EIF4A2: variants seen among roughly 807,000 people sequenced by gnomAD.
EIF4A2 encodes the protein eukaryotic translation initiation factor 4A2, also known as eukaryotic initiation factor 4A-II.
Under a neutral mutation model 50.6 loss-of-function variants are expected in EIF4A2, and 9 were observed. That is an observed-to-expected ratio of 0.18 (90% CI 0.11 to 0.31). EIF4A2 has a LOEUF of 0.31. Among genes scored for constraint, EIF4A2 ranks in the 10% least tolerant of loss-of-function variants. The pLI is 1.00. For synonymous variants in EIF4A2, 215 were observed against 164.4 expected (o/e 1.31, Z -2.35); for missense variants, 182 against 501.8 (o/e 0.36, Z 6.09).
At chr3:186,787,653 C>T (rs778284644) in intron 9 of EIF4A2, 69 bp downstream of exon 9, 20 of 1,603,030 alleles carry the variant, frequency 1.2e-5, no homozygotes, top group Non-Finnish European at 1.6e-5. Context: ...TTTTAAGTAA[C>T]CTTTGCCAAC....
At chr3:186,785,815 T>C in intron 4 of EIF4A2, 68 bp from the exon 5 acceptor site, 1 of 1,543,630 alleles carries the variant, frequency 6.5e-7, no homozygotes. Context: ...TATATTTGCC[T>C]TTATGCTTTA....
rs769925570 is a variant in EIF4A2, at chr3:186,789,203, T to C, written c.1158T>C (p.Arg386=). The part of the protein sequence containing the change: ...FVTEEDKRIL[R]DIETFYNTTV... ...CTGAAGAAGACAAGAGGATTCTTCG[T>C]GACATTGAGACTTTCTACAATACTA... The change falls in exon 11 of 11, where the codon CGT becomes CGC. Residue 386 remains arginine, a synonymous_variant. Coordinates refer to ENST00000323963, the MANE Select transcript of EIF4A2 (RefSeq NM_001967.4). 2 of 1,613,656 alleles carry C rather than the reference T, an allele frequency of 1.2e-6. No individual in the cohort carries two copies. The highest frequency in any genetic ancestry group is 8.5e-7 in the Non-Finnish European group (1 of 1,179,830).
At chr3:186,787,423 C>G in intron 8 of EIF4A2, 72 bp from the exon 9 acceptor site, 1 of 1,609,260 alleles carries the variant, frequency 6.2e-7, no homozygotes, top group East Asian at 2.2e-5. Flanking sequence ...GACGCTTGGT[C>G]TCATACATGT....
Position 186,789,857 on chromosome 3 carries a change from A to C in EIF4A2, c.*588A>C. 1 of 742,344 alleles carries C rather than the reference A, an allele frequency of 1.3e-6. No individual in the cohort carries two copies. Among genetic ancestry groups the C allele is most frequent in the Admixed American group, 2.6e-5 (1 of 38,562 alleles). The allele number at this position is 742,344 out of a possible 1,614,324, so 46.0% of individuals were successfully genotyped here. ...AAATTGCCATATTGCACATGTCTTA[A>C]TGAAGTTTGAATGTTAAATAAATTG... On this transcript the variant is annotated 3_prime_UTR_variant, in exon 11 of 11. Coordinates refer to ENST00000323963, the MANE Select transcript of EIF4A2 (RefSeq NM_001967.4).
chr3:186,785,705 CATTA>C, intron 4 of EIF4A2, 174 bp from the exon 5 acceptor site: 3 of 701,750 alleles, frequency 4.3e-6, no homozygotes, highest in Non-Finnish European at 6.7e-6. Context: ...ATAAGAAAGA[CATTA>C]AGGGAATTTT....
In EIF4A2 at chr3:186,785,924, C is replaced by T. The variant is rs1419265135; in HGVS notation, c.390C>T (p.Ala130=). The change falls in exon 5 of 11, where the codon GCC becomes GCT. Residue 130 remains alanine, a synonymous_variant. Transcript: ENST00000323963. ...TGGCACTTGGAGACTATATGGGAGC[C>T]ACTTGTCATGCCTGCATTGGTGGAA... is the stretch of plus-strand genomic sequence containing the variant. ...VILALGDYMG[A]TCHACIGGTN... 6.2e-7 allele frequency: 1 copy of T among 1,609,388 alleles called. No individual in the cohort carries two copies. Among genetic ancestry groups the T allele is most frequent in the Non-Finnish European group, 8.5e-7 (1 of 1,176,064 alleles).
chr3:186,783,644 G>A lies in EIF4A2; in HGVS notation c.29+5G>A. ...TGGCTCCGCGGATTATAACAGGTAT[G>A]CAGTCTGTTGGCGGTCGCGGTCTGT... is the stretch of plus-strand genomic sequence containing the variant. On this transcript the variant is annotated splice_donor_5th_base_variant and intron_variant, in intron 1 of 10. Transcript: ENST00000323963. 1 of 1,614,180 alleles carries A rather than the reference G, an allele frequency of 6.2e-7. No homozygotes were observed. Among genetic ancestry groups the A allele is most frequent in the Non-Finnish European group, 8.5e-7 (1 of 1,180,040 alleles).
chr3:186,784,818 T>A, intron 3 of EIF4A2, 122 bp downstream of exon 3: 3 of 1,600,160 alleles, frequency 1.9e-6, no homozygotes, highest in Non-Finnish European at 2.6e-6. Flanking sequence ...GGCAATCATC[T>A]TTCGGGACTG....
chr3:186,785,163 TGTG>T (rs1272889156), intron 4 of EIF4A2, 62 bp downstream of exon 4: 3 of 1,594,256 alleles, frequency 1.9e-6, no homozygotes, highest in Non-Finnish European at 2.6e-6. Context: ...GTTTCACAAC[TGTG>T]AAGAATTTAA....
intron 8 of EIF4A2, 53 bp downstream of exon 8, chr3:186,787,317 C>T (rs1486668458): frequency 1.2e-6 from 2 of 1,613,612 alleles, no homozygotes; most frequent in Non-Finnish European, 8.5e-7. Flanking sequence ...ATTCAGACTA[C>T]AATATAGCTG....
intron 4 of EIF4A2, chr3:186,785,302 A>G (rs1721626638): frequency 2.9e-6 from 2 of 695,592 alleles, no homozygotes; most frequent in East Asian, 2.8e-5. Context: ...ATACTAATAG[A>G]TTGAGAATCC....
At position 186,786,201 on chromosome 3, in the gene EIF4A2, A is replaced by G. The variant is rs1721694633; in HGVS notation, c.555A>G (p.Ala185=). The G allele has an allele frequency of 6.2e-7, 1 of 1,614,018 alleles. No individual in the cohort carries two copies. The highest frequency in any genetic ancestry group is 8.5e-7 in the Non-Finnish European group (1 of 1,179,964). The part of the protein sequence containing the change: ...KWIKMFVLDE[A]DEMLSRGFKD... ...TCAAAATGTTTGTTTTGGATGAAGC[A>G]GATGAAATGTTGAGCCGTGGTTTTA... Residue 185 remains alanine (A), a synonymous_variant, in exon 6 of 11, where the codon GCA becomes GCG. Transcript: ENST00000323963.
At chr3:186,784,822 G>C in intron 3 of EIF4A2, 126 bp downstream of exon 3, 2 of 1,597,776 alleles carry the variant, frequency 1.3e-6, no homozygotes, top group Non-Finnish European at 1.7e-6. Context: ...ATCATCTTTC[G>C]GGACTGACCT....
intron 4 of EIF4A2, 94 bp downstream of exon 4, chr3:186,785,195 C>A: frequency 6.5e-7 from 1 of 1,527,056 alleles, no homozygotes; most frequent in South Asian, 1.3e-5. Flanking sequence ...ATAAATTGGT[C>A]CTACCAGATC....
chr3:186,784,989 C>A lies in EIF4A2; in HGVS notation c.236C>A (p.Ser79Ter). ...TATGATGTGATTGCTCAAGCTCAGT[C>A]AGGTACTGGCAAGACAGCCACATTT... ...KGYDVIAQAQSGTGKTATFAI... is the reference protein window; with the variant it reads ...KGYDVIAQAQ Residue 79 changes from serine (S) to a stop codon, truncating the protein, a stop_gained, in exon 4 of 11, where the codon TCA becomes TAA. Transcript: ENST00000323963. LOFTEE classifies it high-confidence loss of function. The A allele has an allele frequency of 6.2e-7, 1 of 1,614,138 alleles. No homozygotes were observed. The highest frequency in any genetic ancestry group is 8.5e-7 in the Non-Finnish European group (1 of 1,180,036).
rs1721847518 is a variant in EIF4A2 at position 186,787,956 on chromosome 3, CA to C, written c.1079+75del. The C allele has an allele frequency of 3.4e-6, 5 of 1,464,470 alleles. No individual in the cohort carries two copies. The East Asian group carries it at 9.2e-5, about 27-fold the overall frequency. The allele number at this position is 1,464,470 out of a possible 1,614,324, so 90.7% of individuals were successfully genotyped here. On this transcript the variant is annotated intron_variant, in intron 10 of 10. Coordinates refer to ENST00000323963, the MANE Select transcript of EIF4A2 (RefSeq NM_001967.4). ...CTACTGTGATTTGTATGAAAGGTAA[CA>C]TCAAATCAAGGAATAGATTCAGTAA...
intron 10 of EIF4A2, 42 bp downstream of exon 10, chr3:186,787,924 C>A (rs150834097): frequency 1.3e-6 from 2 of 1,587,880 alleles, no homozygotes; most frequent in South Asian, 1.1e-5. Context: ...AAAATTCATA[C>A]GTTTTTCTAC....
At chr3:186,783,972 G>A (rs1019759684) in intron 1 of EIF4A2, 4 of 441,876 alleles carry the variant, frequency 9.1e-6, no homozygotes, top group Non-Finnish European at 1.6e-5. Flanking sequence ...AGGACCCGAA[G>A]CTTTATTTTC....
At chr3:186,783,937 A>C (rs2108453568) in intron 1 of EIF4A2, 3 of 497,476 alleles carry the variant, frequency 6.0e-6, no homozygotes, top group South Asian at 5.3e-5. Context: ...GCCGTGGCGC[A>C]GTCCGAGTTC....
Sources: allele counts gnomAD v4.1 joint callset, GRCh38; gene constraint gnomAD v4.1.1; transcripts MANE v1.5; gene names NCBI Gene and HGNC (gene_info 2026-07-23, HGNC 2026-07-21).